The following CDH11 variants were observed in gnomAD, a reference collection of about 807,000 sequenced individuals.
CDH11 encodes the protein cadherin 11.
Under a neutral mutation model 67.8 loss-of-function variants are expected in CDH11, and 11 were observed. The observed-to-expected ratio is 0.16, with a 90% CI of 0.10 to 0.27. CDH11 has a LOEUF of 0.27. Among genes scored for constraint, CDH11 ranks in the 10% least tolerant of loss-of-function variants. The pLI is 1.00. For missense variants in CDH11, 847 were observed against 1,031.2 expected (o/e 0.82, Z 2.45); for synonymous variants, 419 against 400.0 (o/e 1.05, Z -0.57).
At chr16:65,105,956 T>C (rs539417598) in intron 1 of CDH11, among the ~76,000 whole-genome samples, 3 of 152,332 alleles carry the variant, frequency 2.0e-5, no homozygotes, top group Admixed American at 6.5e-5. Context: ...CATGCTTTGT[T>C]TTCACAACTG....
intron 2 of CDH11, among the ~76,000 whole-genome samples, chr16:65,015,269 C>T (rs1444143657): frequency 1.3e-5 from 2 of 151,676 alleles, no homozygotes; most frequent in Non-Finnish European, 1.5e-5. Context: ...TAAGTAATAT[C>T]AATTCTACCA....
intron 1 of CDH11, among the ~76,000 whole-genome samples, chr16:65,109,575 A>G (rs1459332158): frequency 6.6e-6 from 1 of 152,152 alleles, no homozygotes; most frequent in African/African-American, 2.4e-5. Context: ...ACTTGAGGCC[A>G]CTTGTCCATT....
chr16:64,974,489 G>A (rs1242522067), intron 8 of CDH11, among the ~76,000 whole-genome samples: 1 of 152,130 alleles, frequency 6.6e-6, no homozygotes, highest in Non-Finnish European at 1.5e-5. Context: ...AGACAATATT[G>A]GAAGCCAGAT....
rs2071192036 is a variant in CDH11, at chr16:64,946,130, A to G, written c.*1473T>C. 2.8e-6 allele frequency: 3 copies of G among 1,055,870 alleles called. No individual in the cohort carries two copies. The highest frequency in any genetic ancestry group is 9.1e-5 in the South Asian group (2 of 21,890). 65.4% of individuals were successfully genotyped at this position (1,055,870 alleles called of 1,614,324 possible). A position where few individuals can be genotyped will look rare whatever the true frequency, so the allele number is the denominator to read the frequency against. Reference sequence around the variant, plus strand: ...CCCTCATTCTGAGCTTACGGCCCCAAGCATATTCTAAACAAAGCTTTTTTA... The same window carrying G: ...CCCTCATTCTGAGCTTACGGCCCCAGGCATATTCTAAACAAAGCTTTTTTA... On this transcript the variant is annotated 3_prime_UTR_variant, in exon 13 of 13. Transcript: ENST00000268603.
chr16:65,019,929 A>G (rs1360836740), intron 2 of CDH11, among the ~76,000 whole-genome samples: 1 of 152,152 alleles, frequency 6.6e-6, no homozygotes, highest in Non-Finnish European at 1.5e-5. Context: ...CCTTATTATA[A>G]TCTTTTACCA....
chr16:65,021,952 A>T (rs527865866), intron 2 of CDH11, among the ~76,000 whole-genome samples: 17 of 152,134 alleles, frequency 1.1e-4, no homozygotes, highest in African/African-American at 4.1e-4. Context: ...AGTTTAAGTA[A>T]ATGGCAAAAG....
intron 4 of CDH11, among the ~76,000 whole-genome samples, chr16:64,993,645 C>T (rs566053721): frequency 6.6e-6 from 1 of 152,216 alleles, no homozygotes; most frequent in East Asian, 1.9e-4. Context: ...ACAGAAATCA[C>T]CAGTAAACAT....
At chr16:64,961,016 T>G (rs2071658908) in intron 11 of CDH11, among the ~76,000 whole-genome samples, 1 of 152,178 alleles carries the variant, frequency 6.6e-6, no homozygotes. Flanking sequence ...TTTTGCTGGA[T>G]GTGCTTTTGG....
intron 8 of CDH11, among the ~76,000 whole-genome samples, chr16:64,977,480 T>C (rs1335813006): frequency 3.9e-5 from 6 of 152,228 alleles, no homozygotes; most frequent in Non-Finnish European, 8.8e-5. Context: ...AAAAAGTTTC[T>C]AATGCACCTC....
chr16:65,063,996 T>A (rs1403289477), intron 1 of CDH11, among the ~76,000 whole-genome samples: 1 of 152,200 alleles, frequency 6.6e-6, no homozygotes, highest in East Asian at 1.9e-4. Flanking sequence ...GGGGATTTCA[T>A]GGGCCAAACC....
At chr16:65,122,630 C>T (rs576711536), upstream of CDH11, among the ~76,000 whole-genome samples, 1 of 152,286 alleles carries the variant, frequency 6.6e-6, no homozygotes, top group South Asian at 2.1e-4. Flanking sequence ...ACGTTGGCGG[C>T]TCCTGCCCAG....
chr16:64,967,808 A>C (rs951812874), intron 11 of CDH11, among the ~76,000 whole-genome samples: 13 of 151,892 alleles, frequency 8.6e-5, no homozygotes, highest in African/African-American at 3.1e-4. Flanking sequence ...GTTGGTTTGT[A>C]TTTTCCAATT....
intron 2 of CDH11, among the ~76,000 whole-genome samples, chr16:65,030,041 A>T (rs2073611557): frequency 6.6e-6 from 1 of 152,204 alleles, no homozygotes; most frequent in African/African-American, 2.4e-5. Flanking sequence ...TTTGTGCTGA[A>T]GTAGAAAATC....
intron 3 of CDH11, among the ~76,000 whole-genome samples, chr16:65,002,186 A>C (rs2142521298): frequency 6.6e-6 from 1 of 152,314 alleles, no homozygotes; most frequent in South Asian, 2.1e-4. Flanking sequence ...CTAGCTTTTG[A>C]AGGTCACACA....
intron 7 of CDH11, among the ~76,000 whole-genome samples, chr16:64,983,704 A>G (rs2072415095): frequency 6.6e-6 from 1 of 152,168 alleles, no homozygotes; most frequent in South Asian, 2.1e-4. Context: ...CAGCCTTTCC[A>G]TCATCCTGGG....
At chr16:65,065,919 G>C (rs1242715498) in intron 1 of CDH11, among the ~76,000 whole-genome samples, 1 of 152,248 alleles carries the variant, frequency 6.6e-6, no homozygotes, top group Non-Finnish European at 1.5e-5. Context: ...TTGTTGCATA[G>C]ATAACCCCTA....
In CDH11 at chr16:64,972,472, T is replaced by G. The variant is rs137978404; in HGVS notation, c.1391-408A>C. Among the ~76,000 whole-genome samples the G allele has an allele frequency of 2.2e-3, 341 of 152,242 alleles. 3 individuals carry two copies. The highest frequency in any genetic ancestry group is 7.5e-3 in the African/African-American group (313 of 41,548). On this transcript the variant is annotated intron_variant, in intron 9 of 12. Transcript: ENST00000268603. ...CTATCCCAGACCTACTGAATCAGAG[T>G]CTCTGGGGCAGGGTCCAGAAATCAA...
intron 1 of CDH11, among the ~76,000 whole-genome samples, chr16:65,080,310 T>C (rs1359801317): frequency 6.6e-6 from 1 of 151,478 alleles, no homozygotes; most frequent in Non-Finnish European, 1.5e-5. Context: ...TGTGCATTAA[T>C]GTCTGTCTTC....
rs565722845 is a variant in CDH11, at chr16:65,096,563, T to C, written c.-298+25317A>G. Among the ~76,000 whole-genome samples, 342 of 151,176 alleles carry C rather than the reference T, an allele frequency of 2.3e-3. 1 individual carries two copies. Among genetic ancestry groups the C allele is most frequent in the Non-Finnish European group, 2.3e-3 (153 of 67,818 alleles). On this transcript the variant is annotated intron_variant, in intron 1 of 12. Coordinates refer to ENST00000268603, the MANE Select transcript of CDH11 (RefSeq NM_001797.4). ...TACACAAACACATGCCAAATATATA[T>C]ACACACATATATTATACATATTATA...
Sources: allele counts gnomAD v4.1 joint callset (sites outside exome capture counted in the v4.1 genomes callset), GRCh38; gene constraint gnomAD v4.1.1; transcripts MANE v1.5; gene names NCBI Gene and HGNC (gene_info 2026-07-23, HGNC 2026-07-21).